Variants in GSPT1 observed in about 807,000 individuals in gnomAD.
GSPT1 encodes G1 to S phase transition 1.
A neutral mutation model predicts 72.5 loss-of-function variants in GSPT1; 20 were observed. The ratio of observed to expected loss-of-function variants is 0.28; its 90% CI spans 0.19 to 0.40. The LOEUF is 0.40. Among genes scored for constraint, GSPT1 ranks in the 10% least tolerant of loss-of-function variants. GSPT1 has a pLI of 1.00. For missense variants in GSPT1, 580 were observed against 811.9 expected (o/e 0.71, Z 3.47); for synonymous variants, 334 against 293.5 (o/e 1.14, Z -1.41).
At chr16:11,893,067 G>A (rs1264690310) in intron 5 of GSPT1, among the ~76,000 whole-genome samples, 1 of 151,786 alleles carries the variant, frequency 6.6e-6, no homozygotes, top group Non-Finnish European at 1.5e-5. Context: ...TCAGAATATA[G>A]TAGGTTTTGT....
intron 4 of GSPT1, chr16:11,895,259 C>A (rs761383453): frequency 8.4e-6 from 2 of 239,014 alleles, no homozygotes; most frequent in East Asian, 1.8e-4. Context: ...GGTGAAACCC[C>A]GTTTCTACTA....
rs150527274 is a variant in GSPT1, at chr16:11,902,855, G to A, written c.353-4820C>T. On this transcript the variant is annotated intron_variant, in intron 1 of 14. Transcript: ENST00000434724. The stretch of plus-strand genomic sequence containing the variant: ...GCCTGCCTCAGCCTCCCAAAGTCCC[G>A]GGATTACAGTCATGAGCCACCACAC... 4.9e-3 allele frequency among the ~76,000 whole-genome samples: 746 copies of A among 151,898 alleles called. 6 individuals are homozygous for A. The highest frequency in any genetic ancestry group is 0.017 in the African/African-American group (717 of 41,458).
chr16:11,900,881 G>A (rs1258104046), intron 1 of GSPT1, among the ~76,000 whole-genome samples: 1 of 152,144 alleles, frequency 6.6e-6, no homozygotes, highest in African/African-American at 2.4e-5. Flanking sequence ...TTGCAAATGG[G>A]TTGGGCATGG....
At chr16:11,912,914 A>G (rs1007017876) in intron 1 of GSPT1, among the ~76,000 whole-genome samples, 3 of 152,204 alleles carry the variant, frequency 2.0e-5, no homozygotes, top group African/African-American at 7.2e-5. Context: ...TAGTTTTCAA[A>G]GAGATCCAAG....
In GSPT1 at chr16:11,911,027, A is replaced by G. The variant is rs1334624618; in HGVS notation, c.352+4342T>C. ...GAAAGGCAGTGTTTACTACTGTGAT[A>G]CTCCAGGGATACTGTGGGGCCTCTC... On this transcript the variant is annotated intron_variant, in intron 1 of 14. Transcript: ENST00000434724. 2.6e-5 allele frequency among the ~76,000 whole-genome samples: 4 copies of G among 152,108 alleles called. No individual in the cohort carries two copies. The East Asian group carries it at 7.7e-4, about 29-fold the overall frequency.
At chr16:11,875,524 T>A (rs1306958816) in intron 14 of GSPT1, among the ~76,000 whole-genome samples, 1 of 152,120 alleles carries the variant, frequency 6.6e-6, no homozygotes, top group Non-Finnish European at 1.5e-5. Context: ...AATCCACTAC[T>A]CACAAAACAT....
At chr16:11,879,533 G>A (rs1370420092) in intron 11 of GSPT1, among the ~76,000 whole-genome samples, 1 of 152,056 alleles carries the variant, frequency 6.6e-6, no homozygotes, top group East Asian at 1.9e-4. Context: ...AGAAGTTCAA[G>A]ACCAGCCTGG....
At chr16:11,904,510 G>A (rs1487248868) in intron 1 of GSPT1, among the ~76,000 whole-genome samples, 1 of 151,950 alleles carries the variant, frequency 6.6e-6, no homozygotes, top group Non-Finnish European at 1.5e-5. Flanking sequence ...CCAGTTTTAT[G>A]TTATGTGGAT....
chr16:11,892,843 A>AAAAAG (rs1258634037), intron 5 of GSPT1, among the ~76,000 whole-genome samples: 1 of 149,442 alleles, frequency 6.7e-6, no homozygotes, highest in East Asian at 1.9e-4. Flanking sequence ...AAAAAAAAAA[A>AAAAAG]AAAAAAAAAA....
At chr16:11,902,573 T>C (rs2054426090) in intron 1 of GSPT1, among the ~76,000 whole-genome samples, 1 of 149,696 alleles carries the variant, frequency 6.7e-6, no homozygotes, top group East Asian at 2.1e-4. Context: ...ATACACATGA[T>C]AAACTGGAAC....
At position 11,871,951 on chromosome 16, in the gene GSPT1, T is replaced by C. The variant is rs556975901; in HGVS notation, c.*1168A>G. The C allele has an allele frequency of 6.6e-6, 1 of 152,332 alleles. No individual in the cohort carries two copies. Among genetic ancestry groups the C allele is most frequent in the South Asian group, 2.1e-4 (1 of 4,828 alleles). 9.4% of individuals were successfully genotyped at this position (152,332 alleles called of 1,614,324 possible). A position where few individuals can be genotyped will look rare whatever the true frequency, so the allele number is the denominator to read the frequency against. On this transcript the variant is annotated 3_prime_UTR_variant, in exon 15 of 15. Coordinates refer to ENST00000434724, the MANE Select transcript of GSPT1 (RefSeq NM_002094.4). Reference sequence around the variant, plus strand: ...AGAAAACTCAGTCAATTTCAAATAATTGAGATAAAACTTATACCCTGCTTG... The same window carrying C: ...AGAAAACTCAGTCAATTTCAAATAACTGAGATAAAACTTATACCCTGCTTG...
At chr16:11,875,989 A>T in intron 13 of GSPT1, 60 bp from the exon 14 acceptor site, 1 of 1,518,472 alleles carries the variant, frequency 6.6e-7, no homozygotes, top group Admixed American at 1.7e-5. Context: ...ATCTTTAAGA[A>T]CAGGTGTAGA....
At chr16:11,873,374 T>A (rs996187255) in intron 14 of GSPT1, among the ~76,000 whole-genome samples, 8 of 152,048 alleles carry the variant, frequency 5.3e-5, no homozygotes, top group Non-Finnish European at 1.2e-4. Context: ...AAGAGATGGT[T>A]CCCTGTATCA....
At chr16:11,888,538 G>T (rs936856554) in intron 6 of GSPT1, among the ~76,000 whole-genome samples, 1 of 151,798 alleles carries the variant, frequency 6.6e-6, no homozygotes, top group African/African-American at 2.4e-5. Flanking sequence ...AAGGCAGGCG[G>T]ATCACCTGAG....
chr16:11,890,662 T>C (rs1413510875), intron 6 of GSPT1: 1 of 153,036 alleles, frequency 6.5e-6, no homozygotes, highest in Non-Finnish European at 1.5e-5. Context: ...TTCCATTCCA[T>C]TTTATTTCCA....
At chr16:11,889,240 G>A (rs141856525) in intron 6 of GSPT1, among the ~76,000 whole-genome samples, 1 of 151,728 alleles carries the variant, frequency 6.6e-6, no homozygotes, top group Admixed American at 6.6e-5. Flanking sequence ...CCCAGGAGGT[G>A]GAGCTTGCAG....
intron 6 of GSPT1, among the ~76,000 whole-genome samples, chr16:11,888,579 T>C (rs1413331148): frequency 3.0e-4 from 45 of 151,650 alleles, no homozygotes; most frequent in Non-Finnish European, 2.9e-5. Flanking sequence ...CTGGCCAACA[T>C]GGTGAGACCC....
chr16:11,911,411 G>A (rs1596477785), intron 1 of GSPT1, among the ~76,000 whole-genome samples: 1 of 152,154 alleles, frequency 6.6e-6, no homozygotes, highest in African/African-American at 2.4e-5. Context: ...TTTTTGGACA[G>A]TGTCTCATTT....
chr16:11,910,465 G>A (rs2054543898), intron 1 of GSPT1, among the ~76,000 whole-genome samples: 1 of 152,128 alleles, frequency 6.6e-6, no homozygotes, highest in Non-Finnish European at 1.5e-5. Flanking sequence ...CAGTGGACTG[G>A]TAAATGTTTG....
Sources: gnomAD v4.1 joint callset for allele counts (sites outside exome capture counted in the v4.1 genomes callset) on GRCh38, gnomAD v4.1.1 for gene constraint, MANE v1.5 for transcripts, NCBI Gene and HGNC (gene_info 2026-07-23, HGNC 2026-07-21) for gene names.